Variants in ZNF516 observed in about 807,000 individuals in gnomAD.
The protein encoded by ZNF516 is zinc finger protein 516.
A neutral mutation model predicts 79.7 loss-of-function variants in ZNF516; 19 were observed. That is an observed-to-expected ratio of 0.24 (90% confidence interval 0.17 to 0.35). The LOEUF (loss-of-function observed/expected upper bound fraction) is 0.35. ZNF516 is among the 10% of genes least tolerant of loss of function. The pLI is 1.00. For missense variants in ZNF516, 1,678 were observed against 1,679.5 expected, an observed-to-expected ratio of 1.00 and a Z score of 0.02; for synonymous variants, 877 against 739.5, an observed-to-expected ratio of 1.19 and a Z score of -3.02.
At chr18:76,426,969 A>G (rs1238419635) in intron 3 of ZNF516, among the ~76,000 whole-genome samples, 1 of 152,144 alleles carries the variant, frequency 6.6e-6, no homozygotes, top group African/African-American at 2.4e-5. Context: ...CCGTATGGAC[A>G]GGTTATGGAG....
rs767748092 is a variant in ZNF516, at chr18:76,442,960, G to A, written c.95C>T (p.Thr32Ile). 3.1e-6 allele frequency: 5 copies of A among 1,608,512 alleles called. No individual in the cohort carries two copies. Among genetic ancestry groups the A allele is most frequent in the Non-Finnish European group, 3.4e-6 (4 of 1,179,780 alleles). ...GCCGCAGATGCAGCAGGTGTGGCAG[G>A]TAGCCTTGTCCCCATCCACCTCGTG... ...RGHEVDGDKA[T>I]CHTCCICGKS... The change falls in exon 3 of 7, where the codon ACC becomes ATC. Residue 32 changes from threonine to isoleucine, a missense_variant. By Grantham distance (89) the Thr-to-Ile change is moderately conservative. Around this residue, in one of 5 missense-constraint regions of ZNF516, gnomAD observed 62 missense variants for 58.9 expected, o/e 1.05. Transcript: ENST00000443185.
At chr18:76,372,318 C>A (rs1246345705) in intron 4 of ZNF516, among the ~76,000 whole-genome samples, 1 of 152,264 alleles carries the variant, frequency 6.6e-6, no homozygotes, top group Non-Finnish European at 1.5e-5. Flanking sequence ...TTTGTCTGCA[C>A]AACTTTTCTC....
chr18:76,402,567 G>T (rs1427352218), intron 3 of ZNF516, among the ~76,000 whole-genome samples: 1 of 152,190 alleles, frequency 6.6e-6, no homozygotes, highest in African/African-American at 2.4e-5. Context: ...AGAGGAAGAC[G>T]TTGCTTCTCC....
At chr18:76,396,802 G>C (rs901732214) in intron 3 of ZNF516, among the ~76,000 whole-genome samples, 2 of 152,198 alleles carry the variant, frequency 1.3e-5, no homozygotes, top group African/African-American at 4.8e-5. Flanking sequence ...CACTGAGAGT[G>C]AGAGGCCGGA....
rs923376641 is a variant in ZNF516 at position 76,417,815 on chromosome 18, T to C, written c.1810+23430A>G. 3.3e-5 allele frequency among the ~76,000 whole-genome samples: 5 copies of C among 152,342 alleles called. No individual in the cohort carries two copies. The East Asian group carries it at 7.7e-4, about 23-fold the overall frequency. ...TCAGAAAGCCCTAAGTTAAGAAATA[T>C]TTAAATCATCTAAACCTCTGAAAAA... On this transcript the variant is annotated intron_variant, in intron 3 of 6. Coordinates refer to ENST00000443185, the MANE Select transcript of ZNF516 (RefSeq NM_014643.4).
At chr18:76,476,829 C>A (rs773881780) in intron 1 of ZNF516, among the ~76,000 whole-genome samples, 1 of 152,148 alleles carries the variant, frequency 6.6e-6, no homozygotes, top group Non-Finnish European at 1.5e-5. Context: ...TGGATAGAAA[C>A]AGCCTAAGCT....
At position 76,384,872 on chromosome 18, in the gene ZNF516, C is replaced by T. The variant is rs80232478; in HGVS notation, c.1811-4569G>A. ...TTTATTAGAATTGAAGGAAAGAGAA[C>T]GGTGCTGATTTGAGCATGGCGTGGC... On this transcript the variant is annotated intron_variant, in intron 3 of 6. Transcript: ENST00000443185. 9.6e-3 allele frequency among the ~76,000 whole-genome samples: 1,465 copies of T among 152,330 alleles called. 28 individuals are homozygous for T. The highest frequency in any genetic ancestry group is 0.032 in the African/African-American group (1,322 of 41,582).
At chr18:76,448,653 G>C (rs1057331391) in intron 2 of ZNF516, among the ~76,000 whole-genome samples, 1 of 152,174 alleles carries the variant, frequency 6.6e-6, no homozygotes, top group African/African-American at 2.4e-5. Flanking sequence ...GGAACTTCAG[G>C]TGACGGCAGG....
intron 3 of ZNF516, among the ~76,000 whole-genome samples, chr18:76,424,889 G>A (rs1007687021): frequency 1.2e-4 from 17 of 144,534 alleles, no homozygotes; most frequent in African/African-American, 4.2e-4. Flanking sequence ...ACACATGCAG[G>A]TGAAAAGGTT....
chr18:76,391,036 G>A (rs2075064890), intron 3 of ZNF516, among the ~76,000 whole-genome samples: 1 of 152,138 alleles, frequency 6.6e-6, no homozygotes, highest in Admixed American at 6.5e-5. Context: ...TCCCAGGAGG[G>A]CCACGAGGGA....
chr18:76,451,228 G>A lies in ZNF516; in HGVS notation c.-157-8017C>T, dbSNP rs9955268. ...CTGGTTCATGAATTAACCTTATCGC[G>A]GTCCCGAAACAGCCCTGGCTCCCCC... is the stretch of plus-strand genomic sequence containing the variant. On this transcript the variant is annotated intron_variant, in intron 2 of 6. Coordinates refer to ENST00000443185, the MANE Select transcript of ZNF516 (RefSeq NM_014643.4). This position sits in a 1 kb window ranked among gnomAD's most constrained non-coding sequence, Gnocchi z 6.0. Among the ~76,000 whole-genome samples, 2,672 of 152,256 alleles carry A rather than the reference G, an allele frequency of 0.018. 94 individuals carry two copies. The highest frequency in any genetic ancestry group is 0.061 in the African/African-American group (2,547 of 41,522).
chr18:76,360,794 C>CAATAAT lies in ZNF516; in HGVS notation c.*1698_*1703dup, dbSNP rs60337965. 223 of 141,376 alleles carry CAATAAT rather than the reference C, an allele frequency of 1.6e-3. No homozygotes were observed. Among genetic ancestry groups the CAATAAT allele is most frequent in the African/African-American group, 4.4e-3 (163 of 37,252 alleles). The allele number at this position is 141,376 out of a possible 1,614,324, so 8.8% of individuals were successfully genotyped here. ...AACCAAACATTACTAATAACAATAA[C>CAATAAT]AATAATAATAATAATAATAATAATA... is the stretch of plus-strand genomic sequence containing the variant. On this transcript the variant is annotated 3_prime_UTR_variant, in exon 7 of 7. Coordinates refer to ENST00000443185, the MANE Select transcript of ZNF516 (RefSeq NM_014643.4).
chr18:76,442,544 T>G lies in ZNF516; in HGVS notation c.511A>C (p.Lys171Gln). 6.3e-7 allele frequency: 1 copy of G among 1,599,554 alleles called. No individual in the cohort carries two copies. Among genetic ancestry groups the G allele is most frequent in the Non-Finnish European group, 8.5e-7 (1 of 1,179,468 alleles). ...CAGAAGGAGCACTGGACCGCTGCCT[T>G]GGCCTCCCCCGGGGCGCATGCGGAC... Reference protein sequence around the residue: ...EGSACAPGEAKAAVQCSFCKS... With the variant: ...EGSACAPGEAQAAVQCSFCKS... The change falls in exon 3 of 7, where the codon AAG becomes CAG. Residue 171 changes from lysine (K) to glutamine (Q), a missense_variant. Around this residue, in one of 5 missense-constraint regions of ZNF516, gnomAD observed 279 missense variants for 254.1 expected, o/e 1.10. Transcript: ENST00000443185.
intron 4 of ZNF516, among the ~76,000 whole-genome samples, chr18:76,377,162 C>G (rs772406051): frequency 1.3e-5 from 2 of 152,272 alleles, no homozygotes; most frequent in South Asian, 2.1e-4. Flanking sequence ...CTCCCACCCA[C>G]GACAGCCTCC....
chr18:76,424,756 C>CT (rs1332674085), intron 3 of ZNF516, among the ~76,000 whole-genome samples: 1 of 128,628 alleles, frequency 7.8e-6, no homozygotes, highest in African/African-American at 3.0e-5. Flanking sequence ...AAGGCTCCCC[C>CT]AAAACACACG....
intron 4 of ZNF516, among the ~76,000 whole-genome samples, chr18:76,375,670 G>C (rs2074775961): frequency 6.6e-6 from 1 of 150,432 alleles, no homozygotes; most frequent in Admixed American, 6.6e-5. Flanking sequence ...ACCAGGTAGA[G>C]GATGGATGGG....
intron 3 of ZNF516, among the ~76,000 whole-genome samples, chr18:76,412,340 A>G (rs1324501528): frequency 1.3e-5 from 2 of 152,154 alleles, no homozygotes; most frequent in African/African-American, 4.8e-5. Context: ...GGCCTGAAAC[A>G]GGAAAACCTG....
upstream of ZNF516, chr18:76,496,311 G>A (rs1228071097): frequency 3.1e-6 from 4 of 1,289,540 alleles, no homozygotes; most frequent in Middle Eastern, 4.2e-4. Flanking sequence ...TTCTCCTCGT[G>A]ATAACTCCGC....
chr18:76,495,061 G>A (rs1474306729), intron 1 of ZNF516, 83 bp downstream of exon 1: 1 of 149,080 alleles, frequency 6.7e-6, no homozygotes, highest in African/African-American at 2.5e-5. Context: ...CAGAGTACGG[G>A]GCACGTCGGG....
Sources: gnomAD v4.1 joint callset for allele counts (sites outside exome capture counted in the v4.1 genomes callset) on GRCh38, gnomAD v4.1.1 for gene constraint, gnomAD v4.1.1 regional missense constraint, Gnocchi (gnomAD v3.1) non-coding constraint, MANE v1.5 for transcripts, NCBI Gene and HGNC (gene_info 2026-07-23, HGNC 2026-07-21) for gene names.